The following ANXA10 variants were observed in gnomAD, a reference collection of about 807,000 sequenced individuals.
ANXA10 encodes annexin 14.
In ANXA10, 49 loss-of-function variants were observed where a neutral mutation model predicts 53.5. That is an observed-to-expected ratio of 0.92 (90% CI 0.73 to 1.16). The LOEUF (loss-of-function observed/expected upper bound fraction) is 1.16, where lower values mean the gene tolerates loss of function less well. ANXA10 is among the 50% of genes most tolerant of loss of function. ANXA10 has a pLI of 0.00. For missense variants in ANXA10, 393 were observed against 394.4 expected (o/e 1.00, Z 0.03); for synonymous variants, 131 against 128.9 (o/e 1.02, Z -0.11).
chr4:168,156,146 T>C (rs1731657747), intron 3 of ANXA10, among the ~76,000 whole-genome samples: 1 of 27,866 alleles, frequency 3.6e-5, no homozygotes, highest in Non-Finnish European at 5.7e-5. Flanking sequence ...TATATAAAAA[T>C]AATATATATT....
intron 3 of ANXA10, among the ~76,000 whole-genome samples, chr4:168,147,177 T>C (rs561361001): frequency 6.6e-6 from 1 of 152,314 alleles, no homozygotes; most frequent in South Asian, 2.1e-4. Flanking sequence ...ACCACTTCTA[T>C]TTGACAGGTG....
chr4:168,128,284 C>CAAAA, intron 2 of ANXA10, 119 bp downstream of exon 2: 5 of 363,756 alleles, frequency 1.4e-5, no homozygotes, highest in South Asian at 1.2e-4. Context: ...ACAGATTAGA[C>CAAAA]AAAAAAAAAA....
At chr4:168,093,218 T>A (rs145120677) in intron 1 of ANXA10, among the ~76,000 whole-genome samples, 3,659 of 152,278 alleles carry the variant, frequency 0.024, 58 homozygotes, top group Middle Eastern at 0.037. Context: ...CTATAAAAAA[T>A]TAAAATAATT....
At chr4:168,122,986 C>T (rs1731011419) in intron 1 of ANXA10, among the ~76,000 whole-genome samples, 1 of 152,050 alleles carries the variant, frequency 6.6e-6, no homozygotes, top group South Asian at 2.1e-4. Flanking sequence ...TTTGAAAAGT[C>T]GAAGTCAGAA....
At chr4:168,126,464 C>G (rs1731071199) in intron 1 of ANXA10, among the ~76,000 whole-genome samples, 1 of 152,166 alleles carries the variant, frequency 6.6e-6, no homozygotes, top group Non-Finnish European at 1.5e-5. Flanking sequence ...TTGTATCACT[C>G]TCTTACTTAG....
In ANXA10 at chr4:168,181,678, C is replaced by G; in HGVS notation, c.725-5C>G. 6.2e-7 allele frequency: 1 copy of G among 1,600,990 alleles called. No homozygotes were observed. Among genetic ancestry groups the G allele is most frequent in the Non-Finnish European group, 8.5e-7 (1 of 1,170,052 alleles). On this transcript the variant is annotated splice_region_variant and splice_polypyrimidine_tract_variant and intron_variant, in intron 9 of 11. Transcript: ENST00000359299. ...GTTTCTTCTTCTCTCTCTGATTTCT[C>G]CTAGTTCTCTGTGTTCGAGACAAAC...
intron 10 of ANXA10, among the ~76,000 whole-genome samples, chr4:168,183,007 C>T (rs1274807603): frequency 1.1e-5 from 1 of 94,996 alleles, no homozygotes; most frequent in East Asian, 3.0e-4. Context: ...GACACCGTCT[C>T]GGAAAAAAAA....
intron 1 of ANXA10, among the ~76,000 whole-genome samples, chr4:168,112,534 C>CAG (rs1179954742): frequency 6.6e-6 from 1 of 152,052 alleles, no homozygotes; most frequent in Non-Finnish European, 1.5e-5. Flanking sequence ...CTTTTTATGT[C>CAG]AGAGTTTTTT....
chr4:168,129,338 A>G (rs990296914), intron 2 of ANXA10, among the ~76,000 whole-genome samples: 1 of 152,188 alleles, frequency 6.6e-6, no homozygotes, highest in African/African-American at 2.4e-5. Context: ...AGTTAACACA[A>G]AGTTATGAAT....
intron 6 of ANXA10, among the ~76,000 whole-genome samples, chr4:168,168,985 A>G (rs1731932488): frequency 6.6e-6 from 1 of 152,206 alleles, no homozygotes; most frequent in African/African-American, 2.4e-5. Context: ...CACCACTCTC[A>G]GTAAATCATC....
intron 2 of ANXA10, among the ~76,000 whole-genome samples, chr4:168,132,099 C>T (rs1465659330): frequency 6.6e-6 from 1 of 151,966 alleles, no homozygotes; most frequent in Non-Finnish European, 1.5e-5. Context: ...TGAGTTATAC[C>T]ATGTGATCCA....
intron 3 of ANXA10, among the ~76,000 whole-genome samples, chr4:168,145,552 G>T (rs1731392945): frequency 6.6e-6 from 1 of 152,126 alleles, no homozygotes; most frequent in Non-Finnish European, 1.5e-5. Flanking sequence ...TCTTTCACTG[G>T]AATTGCCTCG....
At chr4:168,150,253 AG>A (rs149282549) in intron 3 of ANXA10, among the ~76,000 whole-genome samples, 4,148 of 152,294 alleles carry the variant, frequency 0.027, 170 homozygotes, top group African/African-American at 0.095. Flanking sequence ...AGAAGACCAA[AG>A]TATTATCATT....
intron 4 of ANXA10, among the ~76,000 whole-genome samples, chr4:168,163,826 T>C (rs1256615618): frequency 1.3e-5 from 2 of 152,180 alleles, no homozygotes; most frequent in African/African-American, 4.8e-5. Flanking sequence ...TGTATTCTAA[T>C]GTCAGCTTGC....
At chr4:168,115,167 G>C (rs905833191) in intron 1 of ANXA10, among the ~76,000 whole-genome samples, 1 of 152,188 alleles carries the variant, frequency 6.6e-6, no homozygotes, top group South Asian at 2.1e-4. Context: ...TCAGACATGA[G>C]TCACTGTGCC....
chr4:168,098,715 C>T lies in ANXA10; in HGVS notation c.18+5997C>T, dbSNP rs566843385. ...GCCAGCATCACAGTCTTACACCACA[C>T]AGTTATGAATATATTCTTCCTCAGT... On this transcript the variant is annotated intron_variant, in intron 1 of 11. Coordinates refer to ENST00000359299, the MANE Select transcript of ANXA10 (RefSeq NM_007193.5). Among the ~76,000 whole-genome samples the T allele has an allele frequency of 7.9e-5, 12 of 151,954 alleles. No homozygotes were observed. The East Asian group carries it at 1.4e-3, about 17-fold the overall frequency.
intron 8 of ANXA10, 88 bp downstream of exon 8, chr4:168,178,071 A>G (rs535325652): frequency 4.8e-6 from 6 of 1,251,570 alleles, no homozygotes; most frequent in African/African-American, 1.5e-5. Context: ...ATGAAATATT[A>G]CAAGGAAATA....
chr4:168,139,543 T>C lies in ANXA10; in HGVS notation c.158T>C (p.Met53Thr). ...ILTQRCNAQR[M>T]MIAEAYQSMY... ...ACTCAGCGCTGCAATGCACAAAGGA[T>C]GATGATTGCAGAGGCATACCAGAGC... Residue 53 changes from methionine to threonine, a missense_variant, in exon 3 of 12, where the codon ATG becomes ACG. Met to Thr is a moderately conservative substitution (Grantham distance 81). Transcript: ENST00000359299. 1.9e-6 allele frequency: 3 copies of C among 1,613,050 alleles called. No individual in the cohort carries two copies. Among genetic ancestry groups the C allele is most frequent in the Non-Finnish European group, 2.5e-6 (3 of 1,179,228 alleles).
In ANXA10 at chr4:168,096,136, G is replaced by C. The variant is rs561660350; in HGVS notation, c.18+3418G>C. ...GGCATATTACCTAGGAGTGATTGCA[G>C]ACTGACAAGACATCTCATGGGAGGA... On this transcript the variant is annotated intron_variant, in intron 1 of 11. Transcript: ENST00000359299. Among the ~76,000 whole-genome samples the C allele has an allele frequency of 1.7e-3, 259 of 152,284 alleles. 2 individuals carry two copies. The highest frequency in any genetic ancestry group is 4.8e-3 in the African/African-American group (200 of 41,568).
Sources: allele counts gnomAD v4.1 joint callset (sites outside exome capture counted in the v4.1 genomes callset), GRCh38; gene constraint gnomAD v4.1.1; transcripts MANE v1.5; gene names NCBI Gene and HGNC (gene_info 2026-07-23, HGNC 2026-07-21).